Variants in VPS54 observed in about 807,000 individuals in gnomAD.
VPS54 encodes the protein vacuolar protein sorting-associated protein 54.
A neutral mutation model predicts 121.5 loss-of-function variants in VPS54; 45 were observed. The observed-to-expected ratio is 0.37, with a 90% confidence interval of 0.29 to 0.47. VPS54 has a LOEUF of 0.47. Ranked by LOEUF, VPS54 falls within the 20% of genes least tolerant of loss-of-function variation. The probability of loss-of-function intolerance (pLI) is 0.99; values close to 1 mark genes in which losing one functional copy is unlikely to be tolerated. For synonymous variants in VPS54, 371 were observed against 385.8 expected (o/e 0.96, Z 0.45); for missense variants, 1,090 against 1,131.4 (o/e 0.96, Z 0.52).
chr2:63,920,777 T>G (rs930535809), intron 13 of VPS54, 150 bp from the exon 14 acceptor site: 7 of 412,970 alleles, frequency 1.7e-5, no homozygotes, highest in Non-Finnish European at 2.3e-5. Flanking sequence ...CATGAAATGC[T>G]TAAGAGGTCC....
rs142681705 is a variant in VPS54 at position 63,898,611 on chromosome 2, T to C, written c.2733+863A>G. 5.3e-3 allele frequency among the ~76,000 whole-genome samples: 813 copies of C among 152,196 alleles called. 5 individuals are homozygous for C. The highest frequency in any genetic ancestry group is 7.2e-3 in the Non-Finnish European group (493 of 68,016). On this transcript the variant is annotated intron_variant, in intron 21 of 22. Transcript: ENST00000272322. ...AGCCACCCTCTGCTCCCAAATACCA[T>C]TTCCACGCACTCAACCAAGTAAGAG...
intron 1 of VPS54, among the ~76,000 whole-genome samples, chr2:64,012,254 G>GA (rs1453493924): frequency 2.6e-5 from 4 of 151,792 alleles, no homozygotes; most frequent in Admixed American, 1.3e-4. Context: ...AACACTGCCA[G>GA]AAAAAACAGT....
intron 7 of VPS54, among the ~76,000 whole-genome samples, chr2:63,955,995 A>C (rs566799040): frequency 6.9e-4 from 105 of 152,262 alleles, no homozygotes; most frequent in South Asian, 2.1e-3. Context: ...CCAGCTAAGT[A>C]AACTGAAACA....
chr2:63,897,739 T>A (rs958223546), intron 21 of VPS54, 149 bp from the exon 22 acceptor site: 1 of 525,580 alleles, frequency 1.9e-6, no homozygotes, highest in African/African-American at 2.0e-5. Context: ...AGTATTCTAT[T>A]GCTATTTCAC....
chr2:63,999,226 C>T (rs1028572261), intron 1 of VPS54, among the ~76,000 whole-genome samples: 2 of 152,104 alleles, frequency 1.3e-5, no homozygotes, highest in Admixed American at 6.5e-5. Context: ...CCAGGATTAC[C>T]GGTGTGAGCC....
intron 5 of VPS54, among the ~76,000 whole-genome samples, chr2:63,967,113 C>T (rs6757168): frequency 0.75 from 114,100 of 152,034 alleles, 44,283 homozygotes; most frequent in African/African-American, 0.91. Flanking sequence ...TATTTTTGTA[C>T]CTCTAACACC....
intron 6 of VPS54, among the ~76,000 whole-genome samples, chr2:63,965,273 G>A (rs1464942016): frequency 1.7e-4 from 26 of 151,954 alleles, no homozygotes; most frequent in Non-Finnish European, 1.9e-4. Flanking sequence ...TCAGGAGTTC[G>A]AGACCAGCCT....
chr2:63,917,908 T>C (rs1673464645), intron 15 of VPS54, among the ~76,000 whole-genome samples: 1 of 152,034 alleles, frequency 6.6e-6, no homozygotes, highest in Non-Finnish European at 1.5e-5. Context: ...ATAGGAATAC[T>C]AATAATATCT....
intron 1 of VPS54, among the ~76,000 whole-genome samples, chr2:64,000,108 C>T (rs1456832107): frequency 6.6e-6 from 1 of 152,104 alleles, no homozygotes; most frequent in African/African-American, 2.4e-5. Context: ...GATCCACCCT[C>T]CTCAGCCTCC....
chr2:64,017,988 G>A (rs190145950), intron 1 of VPS54, among the ~76,000 whole-genome samples: 1,868 of 152,140 alleles, frequency 0.012, 17 homozygotes, highest in Non-Finnish European at 0.015. Flanking sequence ...AGGCTCTGAA[G>A]GTGCTTTTTC....
intron 13 of VPS54, 115 bp from the exon 14 acceptor site, chr2:63,920,742 C>T (rs1673605535): frequency 1.8e-6 from 1 of 570,544 alleles, no homozygotes; most frequent in Non-Finnish European, 2.5e-6. Context: ...TAATATTTCC[C>T]AATACTTCAG....
intron 11 of VPS54, among the ~76,000 whole-genome samples, chr2:63,934,784 G>A (rs946827098): frequency 1.3e-5 from 2 of 152,126 alleles, no homozygotes; most frequent in African/African-American, 4.8e-5. Context: ...TAATCCTAAT[G>A]CCTAGAATAG....
chr2:63,958,911 A>G (rs183624729), intron 7 of VPS54, among the ~76,000 whole-genome samples: 3 of 152,310 alleles, frequency 2.0e-5, no homozygotes, highest in Admixed American at 2.0e-4. Flanking sequence ...TGACTAAAAT[A>G]TGGACTCTGA....
intron 3 of VPS54, among the ~76,000 whole-genome samples, 196 bp from the exon 4 acceptor site, chr2:63,972,440 T>C (rs893288165): frequency 6.6e-6 from 1 of 152,200 alleles, no homozygotes; most frequent in Admixed American, 6.5e-5. Context: ...TCTATGCACA[T>C]CTATATACCT....
intron 3 of VPS54, among the ~76,000 whole-genome samples, chr2:63,978,820 A>G (rs1240596138): frequency 2.6e-5 from 4 of 152,152 alleles, no homozygotes; most frequent in Non-Finnish European, 5.9e-5. Flanking sequence ...GAGTTTCACC[A>G]TGTTGGCCAG....
chr2:63,962,620 A>G (rs933642746), intron 6 of VPS54, among the ~76,000 whole-genome samples, 177 bp from the exon 7 acceptor site: 1 of 152,310 alleles, frequency 6.6e-6, no homozygotes. Flanking sequence ...GATAAAGGGT[A>G]CACCCCAAAG....
chr2:63,900,461 A>G (rs954544227), intron 20 of VPS54, among the ~76,000 whole-genome samples: 1 of 152,172 alleles, frequency 6.6e-6, no homozygotes, highest in Non-Finnish European at 1.5e-5. Context: ...TTTAAAAGCC[A>G]TCTTTTAGCT....
intron 3 of VPS54, among the ~76,000 whole-genome samples, chr2:63,973,156 T>TA (rs1488531894): frequency 1.2e-4 from 19 of 152,178 alleles, no homozygotes; most frequent in Non-Finnish European, 2.6e-4. Context: ...CAGCAATAAA[T>TA]AAGAGTTCCT....
intron 7 of VPS54, among the ~76,000 whole-genome samples, chr2:63,955,473 T>C (rs1000189324): frequency 1.3e-5 from 2 of 152,046 alleles, no homozygotes; most frequent in African/African-American, 4.8e-5. Context: ...TACTGATATT[T>C]GGGCATCAAA....
Sources: allele counts gnomAD v4.1 joint callset (sites outside exome capture counted in the v4.1 genomes callset), GRCh38; gene constraint gnomAD v4.1.1; transcripts MANE v1.5; gene names NCBI Gene and HGNC (gene_info 2026-07-23, HGNC 2026-07-21).